CYTH1: variants seen among roughly 807,000 people sequenced by gnomAD.
CYTH1 encodes cytohesin 1.
A neutral mutation model predicts 61.8 loss-of-function variants in CYTH1; 18 were observed. The ratio of observed to expected loss-of-function variants is 0.29; its 90% CI spans 0.20 to 0.43. CYTH1 has a LOEUF of 0.43. CYTH1 is among the 20% of genes least tolerant of loss of function. CYTH1 has a pLI of 1.00. For synonymous variants in CYTH1, 174 were observed against 184.3 expected (o/e 0.94, Z 0.45); for missense variants, 336 against 510.5 (o/e 0.66, Z 3.29).
At chr17:78,699,026 C>T in intron 7 of CYTH1, 58 bp from the exon 8 acceptor site, 3 of 1,579,356 alleles carry the variant, frequency 1.9e-6, no homozygotes, top group Non-Finnish European at 2.6e-6. Flanking sequence ...TCAGAAACAT[C>T]CCACCCGCAA....
intron 1 of CYTH1, among the ~76,000 whole-genome samples, chr17:78,754,310 A>C (rs1782115117): frequency 6.6e-6 from 1 of 152,100 alleles, no homozygotes; most frequent in Non-Finnish European, 1.5e-5. Flanking sequence ...ACTTTCCCTC[A>C]ATTTTAAGGA....
At chr17:78,692,908 C>T (rs577048767) in intron 10 of CYTH1, among the ~76,000 whole-genome samples, 5 of 152,070 alleles carry the variant, frequency 3.3e-5, no homozygotes, top group Non-Finnish European at 5.9e-5. Context: ...ACAAGCAGCC[C>T]GGCACATAAG....
chr17:78,776,283 C>T (rs1444843954), intron 1 of CYTH1, among the ~76,000 whole-genome samples: 6 of 152,126 alleles, frequency 3.9e-5, no homozygotes, highest in Non-Finnish European at 8.8e-5. Flanking sequence ...GAAAATCCCG[C>T]AAATACTCCC....
At chr17:78,760,890 C>T (rs992232621) in intron 1 of CYTH1, among the ~76,000 whole-genome samples, 1 of 151,980 alleles carries the variant, frequency 6.6e-6, no homozygotes, top group Non-Finnish European at 1.5e-5. Flanking sequence ...CAGAGACAGT[C>T]TCTATATATT....
intron 1 of CYTH1, among the ~76,000 whole-genome samples, chr17:78,752,590 G>A (rs563791215): frequency 2.6e-5 from 4 of 152,136 alleles, no homozygotes; most frequent in East Asian, 1.9e-4. Flanking sequence ...GCGCCACCAC[G>A]CACAGCTAAT....
At chr17:78,781,325 A>T (rs2093516641) in intron 1 of CYTH1, among the ~76,000 whole-genome samples, 1 of 152,386 alleles carries the variant, frequency 6.6e-6, no homozygotes, top group Non-Finnish European at 1.5e-5. Context: ...TTCCTCATGA[A>T]CAAACTTAAT....
At chr17:78,750,186 C>A (rs1425108918) in intron 1 of CYTH1, among the ~76,000 whole-genome samples, 1 of 152,192 alleles carries the variant, frequency 6.6e-6, no homozygotes, top group Non-Finnish European at 1.5e-5. Context: ...AAACAGATTA[C>A]TTCAAGATGC....
intron 1 of CYTH1, among the ~76,000 whole-genome samples, chr17:78,715,812 G>C (rs1397335370): frequency 6.6e-6 from 1 of 152,174 alleles, no homozygotes; most frequent in African/African-American, 2.4e-5. Flanking sequence ...GTCGCTGGTA[G>C]TTAACTTACA....
intron 1 of CYTH1, among the ~76,000 whole-genome samples, chr17:78,731,484 G>A (rs960292870): frequency 6.6e-6 from 1 of 152,144 alleles, no homozygotes; most frequent in African/African-American, 2.4e-5. Context: ...ATCTCGTCGG[G>A]CGCGGTGGTT....
chr17:78,756,251 TTTTTAG>T (rs1371528355), intron 1 of CYTH1, among the ~76,000 whole-genome samples: 2 of 151,712 alleles, frequency 1.3e-5, no homozygotes, highest in Non-Finnish European at 2.9e-5. Flanking sequence ...AATTTTTGTA[TTTTTAG>T]TAGAGACAGG....
At chr17:78,755,092 G>A (rs1465113714) in intron 1 of CYTH1, among the ~76,000 whole-genome samples, 8 of 152,092 alleles carry the variant, frequency 5.3e-5, no homozygotes, top group Non-Finnish European at 1.2e-4. Flanking sequence ...CAAAAACGTG[G>A]TGCAGCCATA....
At chr17:78,728,275 G>A (rs1054407622) in intron 1 of CYTH1, among the ~76,000 whole-genome samples, 2 of 152,236 alleles carry the variant, frequency 1.3e-5, no homozygotes, top group Non-Finnish European at 2.9e-5. Flanking sequence ...GCCGGGTGCA[G>A]TGGCTCACTC....
At chr17:78,734,067 T>A (rs1448393442) in intron 1 of CYTH1, among the ~76,000 whole-genome samples, 2 of 152,080 alleles carry the variant, frequency 1.3e-5, no homozygotes, top group Non-Finnish European at 2.9e-5. Context: ...CTGGCCAACA[T>A]GGTGAAACCT....
intron 1 of CYTH1, among the ~76,000 whole-genome samples, chr17:78,774,654 T>C (rs1284706355): frequency 2.0e-5 from 3 of 152,108 alleles, no homozygotes; most frequent in African/African-American, 7.2e-5. Flanking sequence ...CAGGCTCCTC[T>C]CCCCAGCCCG....
At position 78,742,951 on chromosome 17, in the gene CYTH1, G is replaced by A. The variant is rs1598901926; in HGVS notation, c.23-33219C>T. Among the ~76,000 whole-genome samples the A allele has an allele frequency of 2.6e-5, 4 of 152,322 alleles. No individual in the cohort carries two copies. In the South Asian group the frequency reaches 8.3e-4, roughly 32 times the overall value. On this transcript the variant is annotated intron_variant, in intron 1 of 13. Transcript: ENST00000446868. ...TATCATTTAAAACACACGCCAACTA[G>A]ACAGACATAATGTAGTATTTTAATG...
intron 1 of CYTH1, among the ~76,000 whole-genome samples, chr17:78,756,988 C>CTTTTTTT (rs869039489): frequency 3.9e-5 from 5 of 129,760 alleles, no homozygotes; most frequent in Non-Finnish European, 5.0e-5. Flanking sequence ...TCTTTTTTTT[C>CTTTTTTT]TTTTTTTTTT....
Position 78,757,542 on chromosome 17 carries a change from T to C in CYTH1, c.22+24660A>G, listed in dbSNP as rs561618234. On this transcript the variant is annotated intron_variant, in intron 1 of 13. Transcript: ENST00000446868. Reference sequence around the variant, plus strand: ...GCTATAATTTTCCCATTCTAATACATGTAAACACTAGCCGAGGTTCTTAGA... The same window carrying C: ...GCTATAATTTTCCCATTCTAATACACGTAAACACTAGCCGAGGTTCTTAGA... Among the ~76,000 whole-genome samples the C allele has an allele frequency of 1.6e-3, 250 of 152,120 alleles. 3 individuals carry two copies. Among genetic ancestry groups the C allele is most frequent in the Non-Finnish European group, 7.8e-4 (53 of 68,018 alleles).
At chr17:78,751,378 T>C (rs1240744219) in intron 1 of CYTH1, among the ~76,000 whole-genome samples, 2 of 152,064 alleles carry the variant, frequency 1.3e-5, no homozygotes, top group East Asian at 3.9e-4. Flanking sequence ...ATAAGGCACA[T>C]CATGGCCTCT....
intron 9 of CYTH1, 141 bp from the exon 10 acceptor site, chr17:78,696,150 G>C: frequency 8.2e-7 from 1 of 1,221,102 alleles, no homozygotes; most frequent in Non-Finnish European, 1.1e-6. Flanking sequence ...TGCCTGCCTG[G>C]GGAGAGAGCT....
Sources: gnomAD v4.1 joint callset for allele counts (sites outside exome capture counted in the v4.1 genomes callset) on GRCh38, gnomAD v4.1.1 for gene constraint, MANE v1.5 for transcripts, NCBI Gene and HGNC (gene_info 2026-07-23, HGNC 2026-07-21) for gene names.